Variants in NFX1 observed in about 807,000 individuals in gnomAD.
NFX1 encodes transcriptional repressor NF-X1.
A neutral mutation model predicts 137.2 loss-of-function variants in NFX1; 69 were observed. The ratio of observed to expected loss-of-function variants is 0.50; its 90% CI spans 0.41 to 0.61. NFX1 has a LOEUF of 0.61. Among genes scored for constraint, NFX1 ranks in the 20% least tolerant of loss-of-function variants. The pLI is 0.00. For synonymous variants in NFX1, 495 were observed against 474.1 expected, an observed-to-expected ratio of 1.04 and a Z score of -0.57; for missense variants, 1,167 against 1,391.0, an observed-to-expected ratio of 0.84 and a Z score of 2.56.
At chr9:33,309,390 G>A (rs1332049372) in intron 5 of NFX1, among the ~76,000 whole-genome samples, 2 of 152,006 alleles carry the variant, frequency 1.3e-5, no homozygotes, top group Admixed American at 1.3e-4. Context: ...TCCTCTGCAT[G>A]GACTATTTTT....
At chr9:33,323,704 G>T (rs141645085) in intron 9 of NFX1, among the ~76,000 whole-genome samples, 2 of 151,118 alleles carry the variant, frequency 1.3e-5, no homozygotes, top group African/African-American at 4.9e-5. Context: ...AGTGAGCCGC[G>T]ATTGCGCCAC....
chr9:33,335,136 G>C (rs911478422), intron 11 of NFX1, among the ~76,000 whole-genome samples: 1 of 151,312 alleles, frequency 6.6e-6, no homozygotes, highest in South Asian at 2.1e-4. Flanking sequence ...TAAATGTACA[G>C]TTCAGTGGCA....
chr9:33,302,065 C>G (rs1240410968), intron 3 of NFX1, among the ~76,000 whole-genome samples: 3 of 152,144 alleles, frequency 2.0e-5, no homozygotes, highest in African/African-American at 4.8e-5. Context: ...GAGCAAGACC[C>G]TGTCTCAAAC....
At position 33,301,870 on chromosome 9, in the gene NFX1, A is replaced by C. The variant is rs565099130; in HGVS notation, c.1192+449A>C. On this transcript the variant is annotated intron_variant, in intron 3 of 23. Coordinates refer to ENST00000379540, the MANE Select transcript of NFX1 (RefSeq NM_002504.6). Reference sequence around the variant, plus strand: ...GCGGATCATCTGAAGTCAGAAGTTCAAGATTAGCCTGGCCAACATGGCAAA... The same window carrying C: ...GCGGATCATCTGAAGTCAGAAGTTCCAGATTAGCCTGGCCAACATGGCAAA... 3.9e-5 allele frequency among the ~76,000 whole-genome samples: 6 copies of C among 152,274 alleles called. 1 individual carries two copies. In the South Asian group the frequency reaches 1.2e-3, roughly 32 times the overall value.
chr9:33,314,343 C>T (rs1822074872), intron 7 of NFX1, among the ~76,000 whole-genome samples: 1 of 151,926 alleles, frequency 6.6e-6, no homozygotes, highest in Non-Finnish European at 1.5e-5. Flanking sequence ...TTGAAAAGGA[C>T]CAGATTATTA....
intron 7 of NFX1, among the ~76,000 whole-genome samples, chr9:33,315,135 G>C (rs1178293566): frequency 6.6e-6 from 1 of 151,270 alleles, no homozygotes; most frequent in Non-Finnish European, 1.5e-5. Flanking sequence ...TGAGGCAGGA[G>C]AATCGCTTGA....
chr9:33,299,936 G>A (rs1167326523), intron 2 of NFX1, among the ~76,000 whole-genome samples: 2 of 152,056 alleles, frequency 1.3e-5, no homozygotes, highest in African/African-American at 2.4e-5. Flanking sequence ...TACAGTGTGC[G>A]CTTTTGAGTC....
At chr9:33,292,349 C>G (rs913009040) in intron 1 of NFX1, among the ~76,000 whole-genome samples, 4 of 152,188 alleles carry the variant, frequency 2.6e-5, no homozygotes, top group African/African-American at 9.7e-5. Context: ...AAGCCCAGTG[C>G]AGAGGATACT....
chr9:33,303,549 A>G (rs547022880), intron 4 of NFX1, among the ~76,000 whole-genome samples: 1 of 152,336 alleles, frequency 6.6e-6, no homozygotes, highest in East Asian at 1.9e-4. Context: ...TAGCAGAGAT[A>G]GGTGTGGACG....
At chr9:33,320,252 A>C (rs1398608496) in intron 9 of NFX1, among the ~76,000 whole-genome samples, 2 of 152,180 alleles carry the variant, frequency 1.3e-5, no homozygotes, top group African/African-American at 2.4e-5. Flanking sequence ...GGTGTGAGCC[A>C]CCATGCCCGG....
intron 19 of NFX1, among the ~76,000 whole-genome samples, chr9:33,356,701 G>C (rs558280548): frequency 3.4e-4 from 51 of 152,144 alleles, no homozygotes; most frequent in Admixed American, 2.9e-3. Context: ...TTACAATTCA[G>C]CTTTTTTCCA....
rs1821314183 is a variant in NFX1 at position 33,295,304 on chromosome 9, A to G, written c.910A>G (p.Asn304Asp). The G allele has an allele frequency of 2.5e-6, 4 of 1,614,174 alleles. No homozygotes were observed. Among genetic ancestry groups the G allele is most frequent in the Non-Finnish European group, 1.7e-6 (2 of 1,180,026 alleles). ...TCDSENLAVINKSSRRVDQEK... is the reference protein window; with the variant it reads ...TCDSENLAVIDKSSRRVDQEK... Reference sequence around the variant, plus strand: ...TGACAGTGAGAACTTGGCAGTCATCAACAAGTCTTCCAGGAGGGTTGACCA... The same window carrying G: ...TGACAGTGAGAACTTGGCAGTCATCGACAAGTCTTCCAGGAGGGTTGACCA... The change falls in exon 2 of 24, where the codon AAC (asparagine) becomes GAC (aspartate). Residue 304 changes from asparagine (N) to aspartate (D), a missense_variant. This residue lies in a region of NFX1 where 367 missense variants were observed against 386.7 expected (regional missense o/e 0.95). Transcript: ENST00000379540.
At position 33,369,814 on chromosome 9, in the gene NFX1, A is replaced by T. The variant is rs111273722; in HGVS notation, c.3291-92A>T. ...ATAAAATAAATGTTTAAGATTCACA[A>T]ATGGTAAATCAGCTGATCCTTAACT... On this transcript the variant is annotated intron_variant, in intron 23 of 23. Transcript: ENST00000379540. 5.1e-3 allele frequency: 4,560 copies of T among 887,690 alleles called. 27 individuals carry two copies. Among genetic ancestry groups the T allele is most frequent in the Middle Eastern group, 0.022 (98 of 4,442 alleles). 55.0% of individuals were successfully genotyped at this position (887,690 alleles called of 1,614,324 possible). A position where few individuals can be genotyped will look rare whatever the true frequency, so the allele number is the denominator to read the frequency against.
At chr9:33,293,155 G>C (rs1821223194) in intron 1 of NFX1, among the ~76,000 whole-genome samples, 1 of 152,246 alleles carries the variant, frequency 6.6e-6, no homozygotes, top group African/African-American at 2.4e-5. Flanking sequence ...CACAAACTGA[G>C]TTGGAACCCC....
intron 12 of NFX1, among the ~76,000 whole-genome samples, chr9:33,341,126 G>A (rs1038853958): frequency 1.3e-5 from 2 of 152,174 alleles, no homozygotes; most frequent in African/African-American, 4.8e-5. Flanking sequence ...TCACACTGCT[G>A]ATAGAGACAT....
chr9:33,347,657 A>G, intron 15 of NFX1: 1 of 406,050 alleles, frequency 2.5e-6, no homozygotes, highest in Non-Finnish European at 4.9e-6. Flanking sequence ...TTACCGTTTG[A>G]TCCAGCAGTC....
At chr9:33,342,675 A>T in intron 12 of NFX1, 71 bp from the exon 13 acceptor site, 1 of 1,039,676 alleles carries the variant, frequency 9.6e-7, no homozygotes, top group Non-Finnish European at 1.4e-6. Flanking sequence ...GTTTTTATTA[A>T]TCTTGTTGTT....
chr9:33,367,648 G>T lies in NFX1; in HGVS notation c.3290+29G>T, dbSNP rs200838543. ...AGATTCTCCAGCTGCTTTCCAAGGGGACCTGTCTGTCCAGAAAAGCTAGCA... is the reference window on the plus strand; with the variant it reads ...AGATTCTCCAGCTGCTTTCCAAGGGTACCTGTCTGTCCAGAAAAGCTAGCA... On this transcript the variant is annotated intron_variant, in intron 23 of 23. Transcript: ENST00000379540. 3 of 1,606,810 alleles carry T rather than the reference G, an allele frequency of 1.9e-6. No individual in the cohort carries two copies. The South Asian group carries it at 3.3e-5, about 18-fold the overall frequency.
chr9:33,311,019 A>G lies in NFX1; in HGVS notation c.1377-87A>G, dbSNP rs946748790. 5 of 1,132,116 alleles carry G rather than the reference A, an allele frequency of 4.4e-6. No homozygotes were observed. The African/African-American group carries it at 6.2e-5, about 14-fold the overall frequency. The allele number at this position is 1,132,116 out of a possible 1,614,324, so 70.1% of individuals were successfully genotyped here. A position where few individuals can be genotyped will look rare whatever the true frequency, so the allele number is the denominator to read the frequency against. On this transcript the variant is annotated intron_variant, in intron 5 of 23. Coordinates refer to ENST00000379540, the MANE Select transcript of NFX1 (RefSeq NM_002504.6). ...TGTCATAGTAGATGTATTTGTTGCC[A>G]TATTCACAATAAGACCCAGCTGGGA...
Sources: gnomAD v4.1 joint callset for allele counts (sites outside exome capture counted in the v4.1 genomes callset) on GRCh38, gnomAD v4.1.1 for gene constraint, gnomAD v4.1.1 regional missense constraint, MANE v1.5 for transcripts, NCBI Gene and HGNC (gene_info 2026-07-23, HGNC 2026-07-21) for gene names.